Variants in CHD3 observed in about 807,000 individuals in gnomAD.
The protein encoded by CHD3 is chromodomain helicase DNA binding protein 3, also known as ATP-dependent chromatin remodeler CHD3.
CHD3 carries 52 observed loss-of-function variants against 248.9 expected under a neutral mutation model. That is an observed-to-expected ratio of 0.21 (90% CI 0.17 to 0.26). CHD3 has a LOEUF of 0.26. Among genes scored for constraint, CHD3 ranks in the 10% least tolerant of loss-of-function variants. The pLI, the probability that CHD3 is intolerant of heterozygous loss-of-function variation, is 1.00. For missense variants in CHD3, 1,482 were observed against 2,605.8 expected (o/e 0.57, Z 9.39); for synonymous variants, 985 against 985.2 (o/e 1.00, Z 0.00).
At position 7,911,143 on chromosome 17, in the gene CHD3, C is replaced by T. The variant is rs1373484807; in HGVS notation, c.5881+170C>T. On this transcript the variant is annotated intron_variant, in intron 39 of 39. Coordinates refer to ENST00000330494, the MANE Select transcript of CHD3 (RefSeq NM_001005273.3). This position sits in a 1 kb window ranked among gnomAD's most constrained non-coding sequence, Gnocchi z 5.4. ...GTCCCCCCACCCATCCCTTTCTTAA[C>T]CCCTCTTCAGTCCCCTTTATTAAAA... 6.6e-6 allele frequency among the ~76,000 whole-genome samples: 1 copy of T among 152,210 alleles called. No homozygotes were observed. The highest frequency in any genetic ancestry group is 1.5e-5 in the Non-Finnish European group (1 of 68,032).
Position 7,910,019 on chromosome 17 carries a change from T to C in CHD3, c.5591-409T>C. ...CGTGATTCCTTAAAGCTTTGACACT[T>C]ACCACCTCCCATGCCTCCTGACTAT... On this transcript the variant is annotated intron_variant, in intron 37 of 39. Transcript: ENST00000330494. This position sits in a 1 kb window ranked among gnomAD's most constrained non-coding sequence, Gnocchi z 4.7. 3.4e-6 allele frequency: 1 copy of C among 297,844 alleles called. No homozygotes were observed. The allele number at this position is 297,844 out of a possible 1,614,324, so 18.5% of individuals were successfully genotyped here. A position where few individuals can be genotyped will look rare whatever the true frequency, so the allele number is the denominator to read the frequency against.
chr17:7,898,852 G>C lies in CHD3; in HGVS notation c.2152-159G>C, dbSNP rs1055211636. On this transcript the variant is annotated intron_variant, in intron 13 of 39. Transcript: ENST00000330494. ...TGCTGGATATTGTCTTAAGGAATGA[G>C]GGGGAGGGGCTGAAGACTAGATGTG... Among the ~76,000 whole-genome samples the C allele has an allele frequency of 5.3e-5, 8 of 152,300 alleles. No homozygotes were observed. The East Asian group carries it at 1.4e-3, about 26-fold the overall frequency.
rs375766019 is a variant in CHD3, at chr17:7,900,240, C to G, written c.2683-50C>G. 3.7e-6 allele frequency: 6 copies of G among 1,611,394 alleles called. No homozygotes were observed. The African/African-American group carries it at 4.0e-5, about 11-fold the overall frequency. On this transcript the variant is annotated intron_variant, in intron 16 of 39. Transcript: ENST00000330494. This position sits in a 1 kb window ranked among gnomAD's most constrained non-coding sequence, Gnocchi z 6.5. The stretch of plus-strand genomic sequence containing the variant: ...AAAGGCTGATGCTGTGGGTCGGTCA[C>G]TTGTCACTAATAAGCCCATTTTCCT...
In CHD3 at chr17:7,905,555, T is replaced by G; in HGVS notation, c.4139-66T>G. 2.5e-6 allele frequency: 3 copies of G among 1,187,772 alleles called. No individual in the cohort carries two copies. Among genetic ancestry groups the G allele is most frequent in the Non-Finnish European group, 3.6e-6 (3 of 844,950 alleles). The allele number at this position is 1,187,772 out of a possible 1,614,324, so 73.6% of individuals were successfully genotyped here. On this transcript the variant is annotated intron_variant, in intron 26 of 39. Transcript: ENST00000330494. The surrounding 1 kb of genome is among the most constrained non-coding windows in gnomAD (Gnocchi z 5.8). ...TGTTGTGTATCTTGTGGGAATGGGGTGCTAAGGAGGACTGAGGCTTAGAGG... is the reference window on the plus strand; with the variant it reads ...TGTTGTGTATCTTGTGGGAATGGGGGGCTAAGGAGGACTGAGGCTTAGAGG...
chr17:7,911,236 A>G lies in CHD3; in HGVS notation c.5882-228A>G, dbSNP rs1567879376. On this transcript the variant is annotated intron_variant, in intron 39 of 39. Coordinates refer to ENST00000330494, the MANE Select transcript of CHD3 (RefSeq NM_001005273.3). The surrounding 1 kb of genome is among the most constrained non-coding windows in gnomAD (Gnocchi z 5.4). ...AGCCACCTCCCTCCGGGTTCCTTCA[A>G]GGGAAAGTGAATATGAAACCCGAGG... Among the ~76,000 whole-genome samples the G allele has an allele frequency of 6.6e-6, 1 of 152,144 alleles. No homozygotes were observed. The highest frequency in any genetic ancestry group is 1.5e-5 in the Non-Finnish European group (1 of 68,024).
rs752709646 is a variant in CHD3, at chr17:7,902,598, C to G, written c.3253-12C>G. On this transcript the variant is annotated splice_polypyrimidine_tract_variant and intron_variant, in intron 20 of 39. Coordinates refer to ENST00000330494, the MANE Select transcript of CHD3 (RefSeq NM_001005273.3). The stretch of plus-strand genomic sequence containing the variant: ...TCATTATTGCAGACTCCATCCTTTT[C>G]TCTTGCTCTAGATGACCAAAATGTT... The G allele has an allele frequency of 1.3e-6, 2 of 1,577,822 alleles. No homozygotes were observed.
chr17:7,894,836 G>A (rs1429447480), intron 8 of CHD3, 81 bp from the exon 9 acceptor site: 1 of 1,569,616 alleles, frequency 6.4e-7, no homozygotes, highest in Non-Finnish European at 8.6e-7. Flanking sequence ...TAGGATTCAG[G>A]TGTCCTGTCT....
chr17:7,906,665 C>T lies in CHD3; in HGVS notation c.4471C>T (p.Arg1491Cys), dbSNP rs1159274479. Reference protein sequence around the residue: ...EGLSRQQVLTRIGVMSLVKKK... With the variant: ...EGLSRQQVLTCIGVMSLVKKK... ...ACTGAGTCGCCAGCAGGTGTTGACC[C>T]GCATTGGAGTCATGTCTCTCGTCAA... Residue 1491 changes from arginine to cysteine, a missense_variant, in exon 29 of 40, where the codon CGC becomes TGC. By Grantham distance (180) the Arg-to-Cys change is radical. Around this residue, in one of 20 missense-constraint regions of CHD3, gnomAD observed 156 missense variants for 420.3 expected, o/e 0.37. Coordinates refer to ENST00000330494, the MANE Select transcript of CHD3 (RefSeq NM_001005273.3). This position sits in a 1 kb window ranked among gnomAD's most constrained non-coding sequence, Gnocchi z 5.0. 1.2e-6 allele frequency: 2 copies of T among 1,609,850 alleles called. No homozygotes were observed. Among genetic ancestry groups the T allele is most frequent in the African/African-American group, 1.3e-5 (1 of 74,650 alleles).
intron 7 of CHD3, 43 bp downstream of exon 7, chr17:7,894,308 C>T (rs745348749): frequency 1.9e-6 from 3 of 1,597,344 alleles, no homozygotes; most frequent in African/African-American, 1.3e-5. Flanking sequence ...GTGGGCCGTC[C>T]TCTCATTCTT....
intron 20 of CHD3, 108 bp downstream of exon 20, chr17:7,901,483 G>A (rs1461920554): frequency 1.4e-6 from 1 of 715,544 alleles, no homozygotes; most frequent in Non-Finnish European, 2.0e-6. Flanking sequence ...TGTGACAAAT[G>A]AGGAGATTCC....
In CHD3 at chr17:7,897,554, G is replaced by T. The variant is rs140749039; in HGVS notation, c.1919+260G>T. On this transcript the variant is annotated intron_variant, in intron 11 of 39. Transcript: ENST00000330494. This position sits in a 1 kb window ranked among gnomAD's most constrained non-coding sequence, Gnocchi z 4.8. ...ATAAGACATAGCACATGAGTCTGGGGATGAGGGCATGAAAGCAAAACATGA... is the reference window on the plus strand; with the variant it reads ...ATAAGACATAGCACATGAGTCTGGGTATGAGGGCATGAAAGCAAAACATGA... 1.6e-3 allele frequency among the ~76,000 whole-genome samples: 237 copies of T among 152,322 alleles called. No homozygotes were observed. Among genetic ancestry groups the T allele is most frequent in the Non-Finnish European group, 2.7e-3 (183 of 68,038 alleles).
rs1339756148 is a variant in CHD3 at position 7,900,004 on chromosome 17, GC to G, written c.2656del (p.His886IlefsTer19). 6.2e-7 allele frequency: 1 copy of G among 1,613,232 alleles called. No individual in the cohort carries two copies. On this transcript the variant is annotated frameshift_variant, in exon 16 of 40. Transcript: ENST00000330494. LOFTEE classifies it high-confidence loss of function. This position sits in a 1 kb window ranked among gnomAD's most constrained non-coding sequence, Gnocchi z 6.5. ...IRWACLVVDE[A>X]HRLKNNQSKF... Reference sequence around the variant, plus strand: ...CTGGGCCTGTCTTGTGGTAGATGAGGCCCATCGACTCAAGAACAACCAGTCC... The same window carrying G: ...CTGGGCCTGTCTTGTGGTAGATGAGGCCATCGACTCAAGAACAACCAGTCC...
intron 6 of CHD3, 81 bp from the exon 7 acceptor site, chr17:7,894,034 G>A: frequency 6.3e-7 from 1 of 1,583,274 alleles, no homozygotes; most frequent in Non-Finnish European, 8.6e-7. Context: ...ATCCGTGAGG[G>A]ATGGCGGAAC....
upstream of CHD3, chr17:7,884,966 C>T (rs1967519799): frequency 7.9e-7 from 1 of 1,261,300 alleles, no homozygotes; most frequent in Admixed American, 3.1e-5. Context: ...AGTACTCGGG[C>T]GCGGGCCGGG....
At position 7,908,992 on chromosome 17, in the gene CHD3, G is replaced by T. The variant is rs1015871266; in HGVS notation, c.5395-151G>T. 27 of 1,379,610 alleles carry T rather than the reference G, an allele frequency of 2.0e-5. No homozygotes were observed. The highest frequency in any genetic ancestry group is 2.6e-5 in the Non-Finnish European group (26 of 1,004,614). The allele number at this position is 1,379,610 out of a possible 1,614,324, so 85.5% of individuals were successfully genotyped here. ...GTGCTTGGGAGTGTGATCTGGGTCA[G>T]GGTTGCTGCTAGGTTCGCAGTCGGT... On this transcript the variant is annotated intron_variant, in intron 36 of 39. Coordinates refer to ENST00000330494, the MANE Select transcript of CHD3 (RefSeq NM_001005273.3). This position sits in a 1 kb window ranked among gnomAD's most constrained non-coding sequence, Gnocchi z 5.8.
chr17:7,885,157 G>A, upstream of CHD3: 1 of 981,848 alleles, frequency 1.0e-6, no homozygotes, highest in Non-Finnish European at 1.2e-6. Flanking sequence ...CGGGGGCGAG[G>A]CACCCACCGC....
In CHD3 at chr17:7,911,264, T is replaced by A. The variant is rs1971621860; in HGVS notation, c.5882-200T>A. ...GAAAGTGAATATGAAACCCGAGGGG[T>A]TAGAGAGTGGGAACATGTGTTCAAT... On this transcript the variant is annotated intron_variant, in intron 39 of 39. Coordinates refer to ENST00000330494, the MANE Select transcript of CHD3 (RefSeq NM_001005273.3). The surrounding 1 kb of genome is among the most constrained non-coding windows in gnomAD (Gnocchi z 5.4). Among the ~76,000 whole-genome samples, 6 of 152,080 alleles carry A rather than the reference T, an allele frequency of 3.9e-5. No homozygotes were observed. In the South Asian group the frequency reaches 1.2e-3, roughly 32 times the overall value.
chr17:7,898,671 C>A, intron 13 of CHD3, 76 bp downstream of exon 13: 3 of 1,096,576 alleles, frequency 2.7e-6, no homozygotes, highest in Non-Finnish European at 4.1e-6. Flanking sequence ...ACTGATGGAA[C>A]TTCCCAGAGA....
rs1407463458 is a variant in CHD3, at chr17:7,903,989, A to G, written c.3892A>G (p.Lys1298Glu). The G allele has an allele frequency of 6.2e-7, 1 of 1,613,604 alleles. No homozygotes were observed. Among genetic ancestry groups the G allele is most frequent in the African/African-American group, 1.3e-5 (1 of 74,906 alleles). Residue 1298 changes from lysine to glutamate, a missense_variant and splice_region_variant, in exon 24 of 40, where the codon AAG becomes GAG. This residue lies in a region of CHD3 where 156 missense variants were observed against 420.3 expected (regional missense o/e 0.37). Coordinates refer to ENST00000330494, the MANE Select transcript of CHD3 (RefSeq NM_001005273.3). This position sits in a 1 kb window ranked among gnomAD's most constrained non-coding sequence, Gnocchi z 6.8. The part of the protein sequence containing the change: ...VAQYVVREED[K>E]IEEIEREIIK... ...ACAGTACGTCGTGCGGGAAGAAGAC[A>G]AGGTGAGAGGCTTTGGGGGCCAGAC... is the stretch of plus-strand genomic sequence containing the variant.
Sources: gnomAD v4.1 joint callset for allele counts (sites outside exome capture counted in the v4.1 genomes callset) on GRCh38, gnomAD v4.1.1 for gene constraint, gnomAD v4.1.1 regional missense constraint, Gnocchi (gnomAD v3.1) non-coding constraint, MANE v1.5 for transcripts, NCBI Gene and HGNC (gene_info 2026-07-23, HGNC 2026-07-21) for gene names.